The following PLCE1 variants were observed in gnomAD, a reference collection of about 807,000 sequenced individuals.
PLCE1 encodes 1-phosphatidylinositol 4,5-bisphosphate phosphodiesterase epsilon-1.
Under a neutral mutation model 242.8 loss-of-function variants are expected in PLCE1, and 119 were observed. That is an observed-to-expected ratio of 0.49 (90% CI 0.42 to 0.57). The LOEUF (loss-of-function observed/expected upper bound fraction) is 0.57. PLCE1 is among the 20% of genes least tolerant of loss of function. The pLI, the probability that PLCE1 is intolerant of heterozygous loss-of-function variation, is 0.00. For missense variants in PLCE1, 2,441 were observed against 2,788.8 expected (o/e 0.88, Z 2.81); for synonymous variants, 945 against 1,017.4 (o/e 0.93, Z 1.35).
intron 28 of PLCE1, chr10:94,315,600 C>T (rs906336583): frequency 2.8e-5 from 12 of 428,450 alleles, no homozygotes; most frequent in Admixed American, 2.8e-4. Context: ...GAAACCCTGT[C>T]TCCACTAAAA....
At chr10:94,190,531 A>G (rs2048626782) in intron 4 of PLCE1, among the ~76,000 whole-genome samples, 1 of 152,204 alleles carries the variant, frequency 6.6e-6, no homozygotes, top group Non-Finnish European at 1.5e-5. Context: ...ACTTGAGCCC[A>G]GTAATAAGAG....
chr10:94,019,856 T>C (rs191422428), intron 1 of PLCE1, among the ~76,000 whole-genome samples: 1 of 152,310 alleles, frequency 6.6e-6, no homozygotes, highest in African/African-American at 2.4e-5. Context: ...AATCATTCCT[T>C]TTATTGCTGA....
intron 2 of PLCE1, among the ~76,000 whole-genome samples, chr10:94,074,290 T>C (rs966890285): frequency 6.6e-6 from 1 of 150,992 alleles, no homozygotes; most frequent in Non-Finnish European, 1.5e-5. Context: ...ACTCCTGAGC[T>C]CAAGTGATAC....
chr10:94,201,393 C>G (rs1341671941), intron 4 of PLCE1, among the ~76,000 whole-genome samples: 1 of 152,158 alleles, frequency 6.6e-6, no homozygotes, highest in Non-Finnish European at 1.5e-5. Context: ...AAGTGCTATA[C>G]CCAAGTAAGA....
intron 2 of PLCE1, among the ~76,000 whole-genome samples, chr10:94,073,013 A>G (rs1290554246): frequency 1.3e-5 from 2 of 152,036 alleles, no homozygotes; most frequent in Non-Finnish European, 2.9e-5. Context: ...GTCAGGGAGC[A>G]CAGGGTGTTT....
chr10:94,243,014 C>T (rs2050560200), intron 7 of PLCE1, among the ~76,000 whole-genome samples: 1 of 152,132 alleles, frequency 6.6e-6, no homozygotes, highest in Admixed American at 6.5e-5. Context: ...CATAACTCCC[C>T]ACTCCTTAAG....
At chr10:94,141,899 T>G (rs1230215711) in intron 3 of PLCE1, among the ~76,000 whole-genome samples, 1 of 152,148 alleles carries the variant, frequency 6.6e-6, no homozygotes, top group Non-Finnish European at 1.5e-5. Context: ...TTGCAGAAAT[T>G]TATTTGCAAA....
At chr10:94,296,966 C>A (rs939702883) in intron 23 of PLCE1, among the ~76,000 whole-genome samples, 1 of 151,992 alleles carries the variant, frequency 6.6e-6, no homozygotes, top group Non-Finnish European at 1.5e-5. Flanking sequence ...CTCCACCTCC[C>A]GGGTTCAAGC....
At chr10:94,221,500 GC>G (rs1306910517) in intron 4 of PLCE1, among the ~76,000 whole-genome samples, 2 of 152,250 alleles carry the variant, frequency 1.3e-5, no homozygotes, top group African/African-American at 4.8e-5. Context: ...ACTTTGGGAG[GC>G]CGAGGTGGGT....
intron 18 of PLCE1, 44 bp from the exon 19 acceptor site, chr10:94,273,518 T>C: frequency 6.5e-7 from 1 of 1,533,700 alleles, no homozygotes; most frequent in East Asian, 2.3e-5. Context: ...TTATCAATTA[T>C]AGATAAAAGG....
intron 4 of PLCE1, among the ~76,000 whole-genome samples, chr10:94,207,096 C>T (rs2049179151): frequency 6.6e-6 from 1 of 152,186 alleles, no homozygotes; most frequent in African/African-American, 2.4e-5. Context: ...GAACAAGCAG[C>T]TTTCCCATCT....
intron 19 of PLCE1, among the ~76,000 whole-genome samples, chr10:94,275,489 C>G (rs541111514): frequency 6.6e-5 from 10 of 152,284 alleles, no homozygotes; most frequent in African/African-American, 2.4e-4. Flanking sequence ...ACCATCACCT[C>G]CCCTAATTTG....
chr10:94,102,793 C>G (rs1195955901), intron 2 of PLCE1, among the ~76,000 whole-genome samples: 1 of 152,210 alleles, frequency 6.6e-6, no homozygotes, highest in African/African-American at 2.4e-5. Flanking sequence ...TTCCCAGGGG[C>G]TATCCAGCAG....
At chr10:94,315,769 CAAAAAAA>C (rs10572287) in intron 28 of PLCE1, among the ~76,000 whole-genome samples, 3,243 of 122,884 alleles carry the variant, frequency 0.026, 54 homozygotes, top group Non-Finnish European at 0.037. Context: ...GACTCTGTCT[CAAAAAAA>C]AAAAAAAAAA....
chr10:94,212,973 A>C (rs1361840764), intron 4 of PLCE1, among the ~76,000 whole-genome samples: 1 of 152,240 alleles, frequency 6.6e-6, no homozygotes, highest in Non-Finnish European at 1.5e-5. Context: ...CCAGTCAACA[A>C]ACAAGACAAA....
Position 94,246,007 on chromosome 10 carries a change from G to C in PLCE1, c.2482G>C (p.Asp828His). Residue 828 changes from aspartate (D) to histidine (H), a missense_variant, in exon 8 of 33, where the codon GAC (aspartate) becomes CAC (histidine). By Grantham distance (81) the Asp-to-His change is moderately conservative. Transcript: ENST00000371380. ...NDIFEQSKEYDSHGSEDSQKA... is the reference protein window; with the variant it reads ...NDIFEQSKEYHSHGSEDSQKA... ...CATCTTTGAGCAATCCAAAGAATAC[G>C]ACTCTCATGGTTCAGAGGACTCACA... is the stretch of plus-strand genomic sequence containing the variant. The C allele has an allele frequency of 3.7e-6, 6 of 1,613,956 alleles. No individual in the cohort carries two copies. Among genetic ancestry groups the C allele is most frequent in the Non-Finnish European group, 5.1e-6 (6 of 1,179,940 alleles).
At chr10:94,147,578 T>C (rs2047154956) in intron 3 of PLCE1, among the ~76,000 whole-genome samples, 2 of 152,214 alleles carry the variant, frequency 1.3e-5, no homozygotes, top group South Asian at 4.1e-4. Flanking sequence ...CTAGATGCTA[T>C]GCTAGGCACT....
intron 13 of PLCE1, among the ~76,000 whole-genome samples, chr10:94,261,847 A>G (rs1195595666): frequency 6.6e-6 from 1 of 152,174 alleles, no homozygotes; most frequent in African/African-American, 2.4e-5. Flanking sequence ...TTTTAAGGGT[A>G]TATCTTCAAT....
chr10:94,050,428 C>T (rs2043731016), intron 2 of PLCE1, among the ~76,000 whole-genome samples: 1 of 152,070 alleles, frequency 6.6e-6, no homozygotes, highest in South Asian at 2.1e-4. Flanking sequence ...CTCCAGTCAC[C>T]TCCCACCAGG....
Sources: allele counts gnomAD v4.1 joint callset (sites outside exome capture counted in the v4.1 genomes callset), GRCh38; gene constraint gnomAD v4.1.1; transcripts MANE v1.5; gene names NCBI Gene and HGNC (gene_info 2026-07-23, HGNC 2026-07-21).